Variants in PLCB1 observed in about 807,000 individuals in gnomAD.
PLCB1 encodes the protein phospholipase C beta 1.
Under a neutral mutation model 161.8 loss-of-function variants are expected in PLCB1, and 46 were observed. The ratio of observed to expected loss-of-function variants is 0.28; its 90% confidence interval spans 0.22 to 0.36. The LOEUF (loss-of-function observed/expected upper bound fraction) is 0.36. PLCB1 is among the 10% of genes least tolerant of loss of function. PLCB1 has a pLI of 1.00. For synonymous variants in PLCB1, 517 were observed against 503.7 expected (o/e 1.03, Z -0.35); for missense variants, 1,016 against 1,472.5 (o/e 0.69, Z 5.07).
At chr20:8,342,639 G>A (rs1159504412) in intron 2 of PLCB1, among the ~76,000 whole-genome samples, 2 of 152,136 alleles carry the variant, frequency 1.3e-5, no homozygotes. Context: ...TGAATAGCCC[G>A]GCGCAAGAGC....
intron 2 of PLCB1, among the ~76,000 whole-genome samples, chr20:8,274,278 A>C (rs1982424736): frequency 6.6e-6 from 1 of 152,188 alleles, no homozygotes; most frequent in Non-Finnish European, 1.5e-5. Context: ...GCTTAACATC[A>C]TTTTAAATAT....
chr20:8,373,843 A>G (rs987277476), intron 3 of PLCB1, among the ~76,000 whole-genome samples: 2 of 152,216 alleles, frequency 1.3e-5, no homozygotes, highest in African/African-American at 4.8e-5. Context: ...TTGACAGGCA[A>G]GAAAGAAGTT....
At chr20:8,283,037 T>A (rs924159849) in intron 2 of PLCB1, among the ~76,000 whole-genome samples, 1 of 152,172 alleles carries the variant, frequency 6.6e-6, no homozygotes. Context: ...TCCTCCAACA[T>A]TGCTTCCACC....
intron 2 of PLCB1, among the ~76,000 whole-genome samples, chr20:8,312,348 C>G (rs1454604516): frequency 6.6e-6 from 1 of 152,128 alleles, no homozygotes; most frequent in Non-Finnish European, 1.5e-5. Flanking sequence ...TTTTCATGGT[C>G]CAGAGCTCTC....
chr20:8,396,096 A>G (rs186788352), intron 3 of PLCB1, among the ~76,000 whole-genome samples: 55 of 152,230 alleles, frequency 3.6e-4, no homozygotes, highest in Admixed American at 8.5e-4. Flanking sequence ...AAAGTAATAT[A>G]TTGAGCTGAA....
At chr20:8,860,462 T>C (rs1215900943) in intron 31 of PLCB1, among the ~76,000 whole-genome samples, 1 of 152,234 alleles carries the variant, frequency 6.6e-6, no homozygotes, top group East Asian at 1.9e-4. Flanking sequence ...TAGCTCGTGT[T>C]ATTATTTAAC....
At chr20:8,383,125 C>G (rs1987314460) in intron 3 of PLCB1, among the ~76,000 whole-genome samples, 1 of 152,114 alleles carries the variant, frequency 6.6e-6, no homozygotes. Flanking sequence ...CTAATATTGA[C>G]AGTGGGATGT....
Position 8,454,335 on chromosome 20 carries a change from T to G in PLCB1, c.246+82885T>G, listed in dbSNP as rs146176672. Among the ~76,000 whole-genome samples, 6 of 152,280 alleles carry G rather than the reference T, an allele frequency of 3.9e-5. No individual in the cohort carries two copies. The East Asian group carries it at 9.7e-4, about 25-fold the overall frequency. On this transcript the variant is annotated intron_variant, in intron 3 of 31. Coordinates refer to ENST00000338037, the MANE Select transcript of PLCB1 (RefSeq NM_015192.4). ...GCCATGATGAGGAGTCAGGACTTGA[T>G]GCCAAGGGAGATGGCTGTCTTTGAA...
At chr20:8,138,212 G>T (rs762159812) in intron 1 of PLCB1, among the ~76,000 whole-genome samples, 14 of 152,176 alleles carry the variant, frequency 9.2e-5, no homozygotes, top group Non-Finnish European at 1.6e-4. Context: ...ATTTGCAGTG[G>T]CTATTAGTTT....
chr20:8,169,441 C>G (rs1211654850), intron 2 of PLCB1, among the ~76,000 whole-genome samples: 2 of 152,148 alleles, frequency 1.3e-5, no homozygotes, highest in Non-Finnish European at 2.9e-5. Context: ...ATCTGAAACA[C>G]TTGGCACAAC....
chr20:8,733,249 C>G lies in PLCB1; in HGVS notation c.1900C>G (p.Gln634Glu). The G allele has an allele frequency of 6.2e-7, 1 of 1,613,674 alleles. No homozygotes were observed. Among genetic ancestry groups the G allele is most frequent in the Non-Finnish European group, 8.5e-7 (1 of 1,179,770 alleles). ...LNFQTMDLAM[Q>E]INMGMYEYNG... is the part of the protein sequence containing the mutation. The stretch of plus-strand genomic sequence containing the variant: ...TTTTTGATACTCAGACCTGGCTATG[C>G]AAATAAATATGGGGATGTATGAATA... The change falls in exon 19 of 32, where the codon CAA (glutamine) becomes GAA (glutamate). Residue 634 changes from glutamine (Q) to glutamate (E), a missense_variant. Gln to Glu is a conservative substitution (Grantham distance 29, BLOSUM62 2). This residue lies in a region of PLCB1 where 67 missense variants were observed against 195.6 expected (regional missense o/e 0.34). Transcript: ENST00000338037.
rs1312304345 is a variant in PLCB1, at chr20:8,271,339, C to T, written c.178-100043C>T. 2.0e-5 allele frequency among the ~76,000 whole-genome samples: 3 copies of T among 152,036 alleles called. No homozygotes were observed. The East Asian group carries it at 5.8e-4, about 29-fold the overall frequency. On this transcript the variant is annotated intron_variant, in intron 2 of 31. Transcript: ENST00000338037. ...AGGTTATATGATTGAAATTGTTGGC[C>T]ATCTCTACTTCCATGAAGGGTGTGT... is the stretch of plus-strand genomic sequence containing the variant.
At chr20:8,290,507 G>A (rs1202818244) in intron 2 of PLCB1, among the ~76,000 whole-genome samples, 1 of 152,094 alleles carries the variant, frequency 6.6e-6, no homozygotes, top group East Asian at 1.9e-4. Context: ...ATCAGTCCTG[G>A]GTTGAGGGCT....
At chr20:8,154,924 A>G (rs1378571168) in intron 2 of PLCB1, among the ~76,000 whole-genome samples, 2 of 152,220 alleles carry the variant, frequency 1.3e-5, no homozygotes, top group Admixed American at 6.5e-5. Flanking sequence ...TCATGTAGTT[A>G]CATTCCAACT....
chr20:8,356,282 G>T (rs1256540803), intron 2 of PLCB1, among the ~76,000 whole-genome samples: 2 of 152,156 alleles, frequency 1.3e-5, no homozygotes, highest in Non-Finnish European at 2.9e-5. Flanking sequence ...GTGCGTCTCA[G>T]TGGTTCTCAA....
chr20:8,242,986 A>G (rs976011127), intron 2 of PLCB1, among the ~76,000 whole-genome samples: 9 of 151,984 alleles, frequency 5.9e-5, no homozygotes, highest in African/African-American at 2.2e-4. Context: ...AATTTTGGAG[A>G]AAAACAGGAA....
chr20:8,634,633 A>G (rs1432847394), intron 4 of PLCB1, among the ~76,000 whole-genome samples: 1 of 152,240 alleles, frequency 6.6e-6, no homozygotes. Flanking sequence ...GCTCATCTGC[A>G]TAAGAATGGC....
chr20:8,535,202 CAAAAAAAAAAAA>C (rs11323420), intron 3 of PLCB1, among the ~76,000 whole-genome samples: 2 of 52,804 alleles, frequency 3.8e-5, no homozygotes, highest in Admixed American at 3.1e-4. Context: ...AGTTTATGGG[CAAAAAAAAAAAA>C]AAAAAAAAAA....
At chr20:8,824,612 G>T (rs913326446) in intron 31 of PLCB1, among the ~76,000 whole-genome samples, 3 of 152,146 alleles carry the variant, frequency 2.0e-5, no homozygotes, top group African/African-American at 7.2e-5. Flanking sequence ...TATCCAGCTG[G>T]CTACTGTATT....
Sources: allele counts gnomAD v4.1 joint callset (sites outside exome capture counted in the v4.1 genomes callset), GRCh38; gene constraint gnomAD v4.1.1; regional missense constraint gnomAD v4.1.1; transcripts MANE v1.5; gene names NCBI Gene and HGNC (gene_info 2026-07-23, HGNC 2026-07-21).